Variants in FGF14 observed in about 807,000 individuals in gnomAD.
The protein encoded by FGF14 is fibroblast growth factor homologous factor 4.
A neutral mutation model predicts 25.5 loss-of-function variants in FGF14; 5 were observed. That is an observed-to-expected ratio of 0.20 (90% CI 0.10 to 0.41). The LOEUF is 0.41. Ranked by LOEUF, FGF14 falls within the 10% of genes least tolerant of loss-of-function variation. The probability of loss-of-function intolerance (pLI) is 1.00; values close to 1 mark genes in which losing one functional copy is unlikely to be tolerated. For missense variants in FGF14, 222 were observed against 320.1 expected (o/e 0.69, Z 2.34); for synonymous variants, 138 against 118.3 (o/e 1.17, Z -1.08).
At chr13:101,755,943 C>T (rs1311696070) in intron 3 of FGF14, among the ~76,000 whole-genome samples, 1 of 152,108 alleles carries the variant, frequency 6.6e-6, no homozygotes, top group Non-Finnish European at 1.5e-5. Flanking sequence ...ATCTTAAAGA[C>T]AGGAGTAGCT....
intron 1 of FGF14, among the ~76,000 whole-genome samples, chr13:102,040,939 A>G (rs868307537): frequency 6.6e-6 from 1 of 152,084 alleles, no homozygotes; most frequent in South Asian, 2.1e-4. Flanking sequence ...GTAGTAAAAA[A>G]TCGCTTACCT....
intron 1 of FGF14, among the ~76,000 whole-genome samples, chr13:102,103,970 C>T (rs188778879): frequency 6.6e-6 from 1 of 152,176 alleles, no homozygotes. Context: ...GACCTTCTCA[C>T]TTCCCACTGT....
chr13:101,906,824 T>C (rs1191525746), intron 1 of FGF14, among the ~76,000 whole-genome samples: 1 of 152,094 alleles, frequency 6.6e-6, no homozygotes, highest in Non-Finnish European at 1.5e-5. Context: ...ATCATGTCTG[T>C]GTAATAGGTA....
chr13:102,184,782 T>C (rs1321165312), intron 1 of FGF14, among the ~76,000 whole-genome samples: 1 of 152,188 alleles, frequency 6.6e-6, no homozygotes, highest in Non-Finnish European at 1.5e-5. Context: ...AGAAATTTGG[T>C]AATGTTCATC....
chr13:102,268,667 T>C (rs566621911), intron 1 of FGF14, among the ~76,000 whole-genome samples: 3 of 152,210 alleles, frequency 2.0e-5, no homozygotes, highest in African/African-American at 4.8e-5. Flanking sequence ...GTTTTTATAA[T>C]TTAAATCATA....
At chr13:102,327,599 C>T (rs1264363527) in intron 1 of FGF14, among the ~76,000 whole-genome samples, 2 of 152,176 alleles carry the variant, frequency 1.3e-5, no homozygotes, top group Non-Finnish European at 2.9e-5. Context: ...CTTTGGGATG[C>T]TAAGGCAGGA....
chr13:101,809,098 G>A (rs1384188193), intron 3 of FGF14, among the ~76,000 whole-genome samples: 1 of 151,976 alleles, frequency 6.6e-6, no homozygotes, highest in African/African-American at 2.4e-5. Context: ...ACTTTAATAT[G>A]TGTCCTATAT....
intron 4 of FGF14, 59 bp downstream of exon 4, chr13:101,726,553 A>G: frequency 6.6e-7 from 1 of 1,510,684 alleles, no homozygotes; most frequent in South Asian, 1.1e-5. Context: ...AGACCTATCA[A>G]TTTGAAAAAT....
At chr13:102,186,969 T>A (rs1470744932) in intron 1 of FGF14, among the ~76,000 whole-genome samples, 4 of 151,904 alleles carry the variant, frequency 2.6e-5, no homozygotes. Flanking sequence ...ACATACATAA[T>A]CCATGGAAAA....
chr13:102,120,893 G>T (rs541965502), intron 1 of FGF14, among the ~76,000 whole-genome samples: 1 of 151,964 alleles, frequency 6.6e-6, no homozygotes, highest in African/African-American at 2.4e-5. Flanking sequence ...TAGTAGAGAC[G>T]GGGTTTCACC....
At chr13:101,823,532 G>C (rs6650269) in intron 3 of FGF14, among the ~76,000 whole-genome samples, 2,251 of 150,774 alleles carry the variant, frequency 0.015, 74 homozygotes, top group African/African-American at 0.051. Context: ...CCGCCTCCCA[G>C]GTTCAAGCGA....
intron 1 of FGF14, among the ~76,000 whole-genome samples, chr13:102,075,103 G>C (rs1027188069): frequency 2.0e-5 from 3 of 152,112 alleles, no homozygotes; most frequent in African/African-American, 7.2e-5. Flanking sequence ...AGAAATAAAA[G>C]GCATCCAAGA....
At position 102,338,613 on chromosome 13, in the gene FGF14, T is replaced by C. The variant is rs149256264; in HGVS notation, c.208+62858A>G. 8.0e-3 allele frequency among the ~76,000 whole-genome samples: 1,222 copies of C among 151,978 alleles called. 17 individuals are homozygous for C. The highest frequency in any genetic ancestry group is 0.028 in the African/African-American group (1,146 of 41,402). ...TAGAGAATAAAATAGGAAACAAAAG[T>C]GAGAAACAAAACTGAAAAATTCAAA... On this transcript the variant is annotated intron_variant, in intron 1 of 4. Transcript: ENST00000376131.
chr13:102,186,361 G>A (rs1179105314), intron 1 of FGF14, among the ~76,000 whole-genome samples: 1 of 152,088 alleles, frequency 6.6e-6, no homozygotes, highest in South Asian at 2.1e-4. Flanking sequence ...AGATCTCACT[G>A]ACTGCCAATG....
At chr13:102,328,043 G>C (rs1362326281) in intron 1 of FGF14, among the ~76,000 whole-genome samples, 1 of 148,898 alleles carries the variant, frequency 6.7e-6, no homozygotes, top group South Asian at 2.1e-4. Context: ...GCTATGAAAA[G>C]AAAAATGAAA....
intron 1 of FGF14, among the ~76,000 whole-genome samples, chr13:101,988,061 G>A (rs74108949): frequency 0.021 from 3,138 of 152,066 alleles, 89 homozygotes; most frequent in African/African-American, 0.07. Flanking sequence ...AGACACTGAA[G>A]TTTATACAGG....
intron 1 of FGF14, among the ~76,000 whole-genome samples, chr13:102,028,915 G>T (rs773752916): frequency 2.0e-5 from 3 of 152,024 alleles, no homozygotes; most frequent in Non-Finnish European, 4.4e-5. Context: ...TACCTGCCTT[G>T]CTATCCTTAG....
At chr13:102,198,203 A>G (rs542906463) in intron 1 of FGF14, among the ~76,000 whole-genome samples, 1 of 152,292 alleles carries the variant, frequency 6.6e-6, no homozygotes, top group Non-Finnish European at 1.5e-5. Flanking sequence ...TTTAGGCACC[A>G]TCGGAAGCCA....
At chr13:101,749,437 A>G (rs2037126118) in intron 3 of FGF14, among the ~76,000 whole-genome samples, 1 of 152,132 alleles carries the variant, frequency 6.6e-6, no homozygotes. Flanking sequence ...ATATTGTCAT[A>G]TTTCATCTAT....
Sources: gnomAD v4.1 joint callset for allele counts (sites outside exome capture counted in the v4.1 genomes callset) on GRCh38, gnomAD v4.1.1 for gene constraint, MANE v1.5 for transcripts, NCBI Gene and HGNC (gene_info 2026-07-23, HGNC 2026-07-21) for gene names.